OTULIN: variants seen among roughly 807,000 people sequenced by gnomAD.
OTULIN encodes OTU deubiquitinase with linear linkage specificity, also known as ubiquitin thioesterase otulin.
Under a neutral mutation model 39.6 loss-of-function variants are expected in OTULIN, and 15 were observed. The ratio of observed to expected loss-of-function variants is 0.38; its 90% CI spans 0.25 to 0.58. The LOEUF (loss-of-function observed/expected upper bound fraction) is 0.58, where lower values mean the gene tolerates loss of function less well. Ranked by LOEUF, OTULIN falls within the 20% of genes least tolerant of loss-of-function variation. OTULIN has a pLI of 0.66. For synonymous variants in OTULIN, 156 were observed against 170.3 expected (o/e 0.92, Z 0.65); for missense variants, 319 against 445.9 (o/e 0.72, Z 2.56).
rs917956605 is a variant in OTULIN, at chr5:14,698,347, A to G, written c.*5299A>G. 5 of 152,246 alleles carry G rather than the reference A, an allele frequency of 3.3e-5. No homozygotes were observed. The highest frequency in any genetic ancestry group is 1.3e-4 in the Admixed American group (2 of 15,290). The allele number at this position is 152,246 out of a possible 1,614,324, so 9.4% of individuals were successfully genotyped here. A position where few individuals can be genotyped will look rare whatever the true frequency, so the allele number is the denominator to read the frequency against. ...CTGTTTACACCATAAGATGTTCCGCATGTGTCCAAAATTTCGCCTGCTCTG... is the reference window on the plus strand; with the variant it reads ...CTGTTTACACCATAAGATGTTCCGCGTGTGTCCAAAATTTCGCCTGCTCTG... On this transcript the variant is annotated 3_prime_UTR_variant, in exon 7 of 7. Transcript: ENST00000284274.
In OTULIN at chr5:14,681,617, T is replaced by C. The variant is rs1465893928; in HGVS notation, c.468+10T>C. Reference sequence around the variant, plus strand: ...CCCGGAGCTCATGCTGGTACGCTGCTGCTGCAGGTTTGAGTCCAAAATGTT... The same window carrying C: ...CCCGGAGCTCATGCTGGTACGCTGCCGCTGCAGGTTTGAGTCCAAAATGTT... On this transcript the variant is annotated intron_variant, in intron 4 of 6. Coordinates refer to ENST00000284274, the MANE Select transcript of OTULIN (RefSeq NM_138348.6). 6.3e-7 allele frequency: 1 copy of C among 1,596,030 alleles called. No homozygotes were observed. The highest frequency in any genetic ancestry group is 8.5e-7 in the Non-Finnish European group (1 of 1,174,756).
chr5:14,665,007 C>G (rs1424202606), intron 1 of OTULIN, 30 bp downstream of exon 1: 2 of 1,037,512 alleles, frequency 1.9e-6, no homozygotes, highest in Non-Finnish European at 1.2e-6. Flanking sequence ...GGGCGCGGGC[C>G]GTGGGCGGCG....
chr5:14,689,084 A>G (rs1736457635), intron 5 of OTULIN, among the ~76,000 whole-genome samples: 2 of 152,180 alleles, frequency 1.3e-5, no homozygotes, highest in African/African-American at 2.4e-5. Flanking sequence ...ACTGTTTTTT[A>G]GGTGAGGAAA....
intron 1 of OTULIN, among the ~76,000 whole-genome samples, chr5:14,671,951 G>A (rs1414407046): frequency 6.6e-6 from 1 of 152,160 alleles, no homozygotes; most frequent in African/African-American, 2.4e-5. Flanking sequence ...GTTAAATCTA[G>A]ATGCCGAGAG....
At chr5:14,701,423 C>G (rs1316449213), downstream of OTULIN, among the ~76,000 whole-genome samples, 1 of 152,120 alleles carries the variant, frequency 6.6e-6, no homozygotes, top group East Asian at 1.9e-4. Context: ...CCTGCCCTGT[C>G]AAACTCGGGA....
intron 1 of OTULIN, among the ~76,000 whole-genome samples, chr5:14,672,455 G>A (rs1270566171): frequency 2.0e-5 from 3 of 152,108 alleles, no homozygotes; most frequent in Non-Finnish European, 4.4e-5. Flanking sequence ...GAGCTGGGGT[G>A]ATGAGGGAAT....
chr5:14,696,345 G>C lies in OTULIN; in HGVS notation c.*3297G>C, dbSNP rs1736668670. The C allele has an allele frequency of 6.6e-6, 1 of 152,202 alleles. No individual in the cohort carries two copies. Among genetic ancestry groups the C allele is most frequent in the Admixed American group, 6.5e-5 (1 of 15,286 alleles). The allele number at this position is 152,202 out of a possible 1,614,324, so 9.4% of individuals were successfully genotyped here. The stretch of plus-strand genomic sequence containing the variant: ...TTTTCTTATCTCCTTTTCTTAAGCA[G>C]TACTTTGCAGGTACTCCCCTTTGAA... On this transcript the variant is annotated 3_prime_UTR_variant, in exon 7 of 7. Transcript: ENST00000284274.
At chr5:14,704,329 CAAAAAAAA>C (rs1194771023), downstream of OTULIN, among the ~76,000 whole-genome samples, 8 of 65,522 alleles carry the variant, frequency 1.2e-4, no homozygotes, top group Non-Finnish European at 1.5e-4. Context: ...GACTCCGTCT[CAAAAAAAA>C]AAAAAAAAAA....
rs1736703493 is a variant in OTULIN at position 14,697,594 on chromosome 5, A to G, written c.*4546A>G. The G allele has an allele frequency of 6.6e-6, 1 of 152,208 alleles. No homozygotes were observed. The highest frequency in any genetic ancestry group is 1.5e-5 in the Non-Finnish European group (1 of 68,046). 9.4% of individuals were successfully genotyped at this position (152,208 alleles called of 1,614,324 possible). On this transcript the variant is annotated 3_prime_UTR_variant, in exon 7 of 7. Transcript: ENST00000284274. The stretch of plus-strand genomic sequence containing the variant: ...GTTAAGTCTAGAAACACATACATTA[A>G]TTGTATTGAAATGTTATATCAATAC...
chr5:14,667,566 A>T (rs1010849755), intron 1 of OTULIN, among the ~76,000 whole-genome samples: 1 of 152,130 alleles, frequency 6.6e-6, no homozygotes, highest in Non-Finnish European at 1.5e-5. Flanking sequence ...GTAGAGACAG[A>T]GTCTCACTAT....
intron 1 of OTULIN, among the ~76,000 whole-genome samples, chr5:14,670,693 C>T (rs1735958370): frequency 6.6e-6 from 1 of 152,154 alleles, no homozygotes; most frequent in African/African-American, 2.4e-5. Context: ...CAGCCTCCAA[C>T]TCCTAGGCTT....
At chr5:14,684,055 G>C (rs1736324397) in intron 4 of OTULIN, among the ~76,000 whole-genome samples, 1 of 152,110 alleles carries the variant, frequency 6.6e-6, no homozygotes, top group Admixed American at 6.5e-5. Context: ...AAATTCTTAA[G>C]TGTTCTTTCC....
chr5:14,715,090 G>A, the OTULIN span, among the ~76,000 whole-genome samples: 1 of 152,224 alleles, frequency 6.6e-6, no homozygotes, highest in Non-Finnish European at 1.5e-5. Flanking sequence ...AGCAAGGGCC[G>A]TTCCATCAGC....
chr5:14,683,060 CCCATCTGTT>C (rs907737694), intron 4 of OTULIN, among the ~76,000 whole-genome samples: 3 of 152,114 alleles, frequency 2.0e-5, no homozygotes, highest in African/African-American at 4.8e-5. Context: ...AAGGATACTC[CCCATCTGTT>C]CCATGATTGT....
downstream of OTULIN, among the ~76,000 whole-genome samples, chr5:14,701,524 C>G (rs1254189496): frequency 1.3e-5 from 2 of 152,200 alleles, no homozygotes; most frequent in African/African-American, 4.8e-5. Context: ...GACCCCATTT[C>G]AAGCTTTGAG....
intron 1 of OTULIN, 61 bp from the exon 2 acceptor site, chr5:14,673,581 A>G: frequency 1.3e-6 from 2 of 1,485,438 alleles, no homozygotes; most frequent in South Asian, 1.2e-5. Context: ...CAGCTGTATA[A>G]TAGGACGGAA....
intron 2 of OTULIN, among the ~76,000 whole-genome samples, chr5:14,674,606 T>G (rs1259568412): frequency 6.6e-6 from 1 of 151,890 alleles, no homozygotes; most frequent in African/African-American, 2.4e-5. Context: ...AATACAAAAA[T>G]TAATCGGGCG....
chr5:14,670,219 C>T (rs116111361), intron 1 of OTULIN, among the ~76,000 whole-genome samples: 2,265 of 152,244 alleles, frequency 0.015, 66 homozygotes, highest in African/African-American at 0.052. Flanking sequence ...ACCTCTCCAC[C>T]ACCACCCCAA....
intron 2 of OTULIN, among the ~76,000 whole-genome samples, chr5:14,677,501 T>G (rs1736133375): frequency 6.6e-6 from 1 of 152,248 alleles, no homozygotes; most frequent in South Asian, 2.1e-4. Flanking sequence ...CCTGAAAATT[T>G]ACCTCCTTTT....
Sources: allele counts gnomAD v4.1 joint callset (sites outside exome capture counted in the v4.1 genomes callset), GRCh38; gene constraint gnomAD v4.1.1; transcripts MANE v1.5; gene names NCBI Gene and HGNC (gene_info 2026-07-23, HGNC 2026-07-21).